Variants in NEBL observed in about 807,000 individuals in gnomAD.
NEBL encodes the protein nebulette.
In NEBL, 122 loss-of-function variants were observed where a neutral mutation model predicts 140.2. The ratio of observed to expected loss-of-function variants is 0.87; its 90% CI spans 0.75 to 1.01. The LOEUF (loss-of-function observed/expected upper bound fraction) is 1.01. Among genes scored for constraint, NEBL ranks in the 50% least tolerant of loss-of-function variants. NEBL has a pLI of 0.00. For synonymous variants in NEBL, 436 were observed against 398.9 expected, an observed-to-expected ratio of 1.09 and a Z score of -1.11; for missense variants, 1,365 against 1,231.3, an observed-to-expected ratio of 1.11 and a Z score of -1.62.
chr10:20,814,617 T>TACACACACACACACACATACACACAC (rs1838530697), intron 22 of NEBL, among the ~76,000 whole-genome samples: 2 of 146,418 alleles, frequency 1.4e-5, no homozygotes, highest in Non-Finnish European at 3.0e-5. Context: ...CATACACACA[T>TACACACACACACACACATACACACAC]ACACACACAC....
At chr10:20,961,646 A>G (rs991750023) in intron 4 of NEBL, 2 of 1,463,346 alleles carry the variant, frequency 1.4e-6, no homozygotes, top group African/African-American at 2.8e-5. Flanking sequence ...CAGAGCCATC[A>G]TGCTATTGAA....
intron 2 of NEBL, among the ~76,000 whole-genome samples, chr10:21,140,069 G>A (rs1839554617): frequency 2.6e-5 from 4 of 151,920 alleles, no homozygotes; most frequent in Non-Finnish European, 2.9e-5. Context: ...ACTGAGGCAC[G>A]AGAATCACTT....
In NEBL at chr10:21,248,280, C is replaced by A. The variant is rs147468993; in HGVS notation, n.280-291G>T. Among the ~76,000 whole-genome samples, 313 of 151,940 alleles carry A rather than the reference C, an allele frequency of 2.1e-3. 2 individuals are homozygous for A. The highest frequency in any genetic ancestry group is 7.1e-3 in the African/African-American group (293 of 41,452). ...GTAGAGATGAGGTCTCACTATGTTGCCCAGGCTGGGAAAGCATCCTTCTAT... is the reference window on the plus strand; with the variant it reads ...GTAGAGATGAGGTCTCACTATGTTGACCAGGCTGGGAAAGCATCCTTCTAT... On this transcript the variant is annotated intron_variant and non_coding_transcript_variant, in intron 2 of 8. Coordinates refer to the NEBL transcript ENST00000675702.
intron 4 of NEBL, among the ~76,000 whole-genome samples, chr10:20,903,079 T>C (rs1437693984): frequency 3.9e-5 from 6 of 152,126 alleles, no homozygotes; most frequent in Non-Finnish European, 8.8e-5. Context: ...ACCTTATCCA[T>C]AGAGGATGTG....
rs148358919 is a variant in NEBL at position 21,203,960 on chromosome 10, T to G, written n.349-31483A>C. ...TTCCCTGACGTCAACAGCAGCTTTG[T>G]TTCAGGAATAAGTCCATTGGAATAA... On this transcript the variant is annotated intron_variant and non_coding_transcript_variant, in intron 3 of 8. Transcript: ENST00000675702. 2.6e-3 allele frequency among the ~76,000 whole-genome samples: 396 copies of G among 152,262 alleles called. 1 individual carries two copies. Among genetic ancestry groups the G allele is most frequent in the African/African-American group, 8.6e-3 (359 of 41,540 alleles).
intron 4 of NEBL, among the ~76,000 whole-genome samples, chr10:20,915,362 A>G (rs1381982260): frequency 2.0e-5 from 3 of 150,468 alleles, no homozygotes; most frequent in Admixed American, 6.7e-5. Flanking sequence ...CCACTAACTC[A>G]GCATCTAGCA....
At chr10:21,258,159 A>C (rs993411374) in intron 1 of NEBL, among the ~76,000 whole-genome samples, 1 of 151,928 alleles carries the variant, frequency 6.6e-6, no homozygotes, top group Non-Finnish European at 1.5e-5. Context: ...ACAGTGACTC[A>C]AGCCTGTAGT....
At chr10:21,210,249 C>A (rs1036813400) in intron 3 of NEBL, among the ~76,000 whole-genome samples, 1 of 152,086 alleles carries the variant, frequency 6.6e-6, no homozygotes, top group African/African-American at 2.4e-5. Context: ...AAAAACTTAG[C>A]TGGGTGTGGT....
chr10:20,958,016 G>C (rs1006702982), intron 4 of NEBL, among the ~76,000 whole-genome samples: 2 of 152,178 alleles, frequency 1.3e-5, no homozygotes, highest in African/African-American at 4.8e-5. Context: ...TGAGTCCCTT[G>C]AATGTCTGGC....
At chr10:21,206,943 C>T (rs1241710278) in intron 3 of NEBL, among the ~76,000 whole-genome samples, 1 of 150,834 alleles carries the variant, frequency 6.6e-6, no homozygotes, top group Non-Finnish European at 1.5e-5. Context: ...TAAGCAAAAG[C>T]CATATTATCA....
intron 8 of NEBL, 146 bp from the exon 9 acceptor site, chr10:20,858,490 A>C (rs1843328143): frequency 7.2e-6 from 5 of 694,542 alleles, no homozygotes; most frequent in Non-Finnish European, 1.3e-5. Flanking sequence ...GATGGTGCTG[A>C]TTTACTACTG....
At chr10:21,259,754 G>T (rs1842713354) in intron 1 of NEBL, among the ~76,000 whole-genome samples, 1 of 152,044 alleles carries the variant, frequency 6.6e-6, no homozygotes, top group Non-Finnish European at 1.5e-5. Context: ...ATGGCTTCAG[G>T]GATGTGTAGT....
rs1835291923 is a variant in NEBL, at chr10:20,785,036, G to A, written c.*711C>T. The A allele has an allele frequency of 6.5e-6, 1 of 152,914 alleles. No homozygotes were observed. Among genetic ancestry groups the A allele is most frequent in the African/African-American group, 2.4e-5 (1 of 41,428 alleles). 9.5% of individuals were successfully genotyped at this position (152,914 alleles called of 1,614,324 possible). On this transcript the variant is annotated 3_prime_UTR_variant, in exon 28 of 28. Coordinates refer to ENST00000377122, the MANE Select transcript of NEBL (RefSeq NM_006393.3). ...TCAATGACATTATAATTTGCCCTTT[G>A]CAGAGTAGCTGTGAAGTTATTTGGT...
intron 4 of NEBL, among the ~76,000 whole-genome samples, chr10:20,942,627 G>T (rs988067179): frequency 5.3e-5 from 8 of 152,138 alleles, no homozygotes; most frequent in South Asian, 2.1e-4. Flanking sequence ...CACAGCAAAA[G>T]AAACTACCAT....
At chr10:21,268,863 G>A (rs984585041) in intron 1 of NEBL, among the ~76,000 whole-genome samples, 1 of 152,174 alleles carries the variant, frequency 6.6e-6, no homozygotes, top group Admixed American at 6.5e-5. Flanking sequence ...TTGGAAACAA[G>A]AAGATAGGGT....
At chr10:20,811,731 C>A (rs1455361181) in intron 24 of NEBL, among the ~76,000 whole-genome samples, 1 of 152,158 alleles carries the variant, frequency 6.6e-6, no homozygotes, top group African/African-American at 2.4e-5. Flanking sequence ...AAAAAATAAG[C>A]TCCTACTTTT....
At chr10:21,277,670 C>T (rs763931133) in intron 1 of NEBL, among the ~76,000 whole-genome samples, 1 of 152,172 alleles carries the variant, frequency 6.6e-6, no homozygotes, top group Non-Finnish European at 1.5e-5. Context: ...TTACTGTGAC[C>T]AATTGTCATT....
intron 3 of NEBL, among the ~76,000 whole-genome samples, chr10:21,247,527 A>C (rs2132269784): frequency 6.6e-6 from 1 of 152,332 alleles, no homozygotes; most frequent in African/African-American, 2.4e-5. Flanking sequence ...ACATAGCCAG[A>C]GACATGGGGT....
At position 20,785,837 on chromosome 10, in the gene NEBL, C is replaced by G; in HGVS notation, c.2955G>C (p.Gln985His). 6.2e-7 allele frequency: 1 copy of G among 1,614,098 alleles called. No individual in the cohort carries two copies. The highest frequency in any genetic ancestry group is 8.5e-7 in the Non-Finnish European group (1 of 1,179,980). The change falls in exon 28 of 28, where the codon CAG (glutamine) becomes CAC (histidine). Residue 985 changes from glutamine to histidine, a missense_variant. Around this residue, in one of 2 missense-constraint regions of NEBL, gnomAD observed 42 missense variants for 76.5 expected, o/e 0.55. Transcript: ENST00000377122. ...FRDGDYIVNV[Q>H]PIDDGWMYGT... is the part of the protein sequence containing the mutation. ...CGTACATCCAGCCATCGTCAATAGG[C>G]TGCACGTTGACGATGTAGTCGCCGT...
Sources: allele counts gnomAD v4.1 joint callset (sites outside exome capture counted in the v4.1 genomes callset), GRCh38; gene constraint gnomAD v4.1.1; regional missense constraint gnomAD v4.1.1; transcripts MANE v1.5; gene names NCBI Gene and HGNC (gene_info 2026-07-23, HGNC 2026-07-21).